MCM6: variants seen among roughly 807,000 people sequenced by gnomAD.
The protein encoded by MCM6 is DNA replication licensing factor MCM6.
A neutral mutation model predicts 94.3 loss-of-function variants in MCM6; 46 were observed. That is an observed-to-expected ratio of 0.49 (90% CI 0.39 to 0.62). The LOEUF (loss-of-function observed/expected upper bound fraction) is 0.62, where lower values mean the gene tolerates loss of function less well. Among genes scored for constraint, MCM6 ranks in the 20% least tolerant of loss-of-function variants. The probability of loss-of-function intolerance (pLI) is 0.00; values close to 1 mark genes in which losing one functional copy is unlikely to be tolerated. For synonymous variants in MCM6, 335 were observed against 351.9 expected (o/e 0.95, Z 0.54); for missense variants, 865 against 1,017.9 (o/e 0.85, Z 2.04).
intron 3 of MCM6, among the ~76,000 whole-genome samples, chr2:135,869,391 A>C (rs1159805273): frequency 1.4e-5 from 2 of 142,480 alleles, no homozygotes; most frequent in Non-Finnish European, 1.5e-5. Context: ...ACAGAGCAAG[A>C]CTCTGTCTCA....
intron 1 of MCM6, among the ~76,000 whole-genome samples, chr2:135,874,866 A>T (rs1412318132): frequency 6.6e-6 from 1 of 152,244 alleles, no homozygotes; most frequent in Non-Finnish European, 1.5e-5. Context: ...AAATTCTGAC[A>T]CATGCTACCT....
At chr2:135,840,979 G>T in intron 16 of MCM6, 28 bp from the exon 17 acceptor site, 1 of 1,506,736 alleles carries the variant, frequency 6.6e-7, no homozygotes, top group Non-Finnish European at 9.2e-7. Flanking sequence ...TTGTCCTCAG[G>T]TTTCAAGCAG....
At chr2:135,865,816 C>T (rs1680084462) in intron 6 of MCM6, among the ~76,000 whole-genome samples, 1 of 152,170 alleles carries the variant, frequency 6.6e-6, no homozygotes, top group Admixed American at 6.5e-5. Context: ...ATTGATGAGA[C>T]AGCCCAGATG....
At chr2:135,850,559 T>C (rs979011883) in intron 13 of MCM6, among the ~76,000 whole-genome samples, 3 of 152,144 alleles carry the variant, frequency 2.0e-5, no homozygotes, top group Non-Finnish European at 2.9e-5. Context: ...TGAAAGTACT[T>C]CGTCAATAGT....
At chr2:135,844,467 T>G in intron 16 of MCM6, 78 bp downstream of exon 16, 1 of 1,303,994 alleles carries the variant, frequency 7.7e-7, no homozygotes, top group African/African-American at 1.5e-5. Context: ...CAAAAAAAAT[T>G]TCACTAGTGA....
At chr2:135,866,021 G>A in intron 6 of MCM6, 111 bp downstream of exon 6, 1 of 1,211,122 alleles carries the variant, frequency 8.3e-7, no homozygotes, top group Non-Finnish European at 1.1e-6. Context: ...AGGATCACTT[G>A]AGCCCAGAAA....
intron 14 of MCM6, 26 bp from the exon 15 acceptor site, chr2:135,846,418 T>C: frequency 6.2e-7 from 1 of 1,610,996 alleles, no homozygotes; most frequent in Non-Finnish European, 8.5e-7. Flanking sequence ...ACCACCTGAA[T>C]CTTATTTTTG....
intron 6 of MCM6, 100 bp downstream of exon 6, chr2:135,866,032 G>C: frequency 7.6e-7 from 1 of 1,319,644 alleles, no homozygotes; most frequent in East Asian, 2.4e-5. Flanking sequence ...AGCCCAGAAA[G>C]TGGAGGCTAC....
chr2:135,850,902 G>C (rs1679769337), intron 13 of MCM6, among the ~76,000 whole-genome samples: 1 of 152,154 alleles, frequency 6.6e-6, no homozygotes, highest in African/African-American at 2.4e-5. Context: ...AAAACGCAGG[G>C]CTGCTTTGGT....
intron 8 of MCM6, among the ~76,000 whole-genome samples, chr2:135,860,485 T>C (rs772177907): frequency 1.3e-5 from 2 of 152,158 alleles, no homozygotes; most frequent in Non-Finnish European, 2.9e-5. Flanking sequence ...GCAACAATCA[T>C]CTATCAGAAG....
Position 135,866,579 on chromosome 2 carries a change from G to C in MCM6, c.765C>G (p.Ser255=), listed in dbSNP as rs1470547163. Residue 255 remains serine, a synonymous_variant, in exon 5 of 17, where the codon TCC becomes TCG. Coordinates refer to ENST00000264156, the MANE Select transcript of MCM6 (RefSeq NM_005915.6). ...ATTACTGACCTGGTGTGCTAAGCTT[G>C]GAGACGTCAGGCACAACAATCAGTG... ...TGTLIVVPDV[S]KLSTPGARAE... is the part of the protein sequence containing the mutation. The C allele has an allele frequency of 6.2e-7, 1 of 1,612,590 alleles. No individual in the cohort carries two copies. Among genetic ancestry groups the C allele is most frequent in the Non-Finnish European group, 8.5e-7 (1 of 1,179,502 alleles).
intron 13 of MCM6, among the ~76,000 whole-genome samples, chr2:135,848,602 G>C (rs1160500995): frequency 6.6e-6 from 1 of 152,086 alleles, no homozygotes; most frequent in African/African-American, 2.4e-5. Context: ...ATAAGAACTA[G>C]GCCAGGCACG....
At chr2:135,874,775 C>CA (rs1172423350) in intron 1 of MCM6, among the ~76,000 whole-genome samples, 3 of 152,076 alleles carry the variant, frequency 2.0e-5, no homozygotes, top group African/African-American at 7.2e-5. Context: ...TCCAAGATCC[C>CA]AAACTCTTCT....
chr2:135,871,072 G>A (rs764150894), intron 2 of MCM6, among the ~76,000 whole-genome samples: 3 of 152,154 alleles, frequency 2.0e-5, no homozygotes, highest in Non-Finnish European at 2.9e-5. Context: ...AGAAATGGAT[G>A]AGGACAGGAG....
chr2:135,866,546 A>C lies in MCM6; in HGVS notation c.781+17T>G. 1 of 1,596,224 alleles carries C rather than the reference A, an allele frequency of 6.3e-7. No individual in the cohort carries two copies. The highest frequency in any genetic ancestry group is 1.1e-5 in the South Asian group (1 of 87,664). On this transcript the variant is annotated intron_variant, in intron 5 of 16. Coordinates refer to ENST00000264156, the MANE Select transcript of MCM6 (RefSeq NM_005915.6). ...GGTAACTGAGAATTTGTTAAATTTGAGCCACAGATTACTGACCTGGTGTGC... is the reference window on the plus strand; with the variant it reads ...GGTAACTGAGAATTTGTTAAATTTGCGCCACAGATTACTGACCTGGTGTGC...
chr2:135,851,203 C>T (rs752450252), intron 13 of MCM6, among the ~76,000 whole-genome samples, 199 bp downstream of exon 13: 1 of 152,184 alleles, frequency 6.6e-6, no homozygotes, highest in South Asian at 2.1e-4. Context: ...TAAACTATGA[C>T]GTGATCGTCT....
At chr2:135,859,672 A>G (rs1022847161) in intron 8 of MCM6, among the ~76,000 whole-genome samples, 6 of 151,388 alleles carry the variant, frequency 4.0e-5, no homozygotes, top group African/African-American at 1.5e-4. Flanking sequence ...TCACAATCTC[A>G]GCTCACTGCA....
intron 4 of MCM6, among the ~76,000 whole-genome samples, chr2:135,867,375 C>A (rs978116279): frequency 6.6e-6 from 1 of 151,944 alleles, no homozygotes; most frequent in East Asian, 1.9e-4. Flanking sequence ...GTGTTCCCCC[C>A]CCCAAACTAA....
chr2:135,859,712 C>T (rs111320425), intron 8 of MCM6, among the ~76,000 whole-genome samples: 97 of 152,170 alleles, frequency 6.4e-4, no homozygotes, highest in African/African-American at 2.2e-3. Flanking sequence ...AGGCGATTCT[C>T]GTGCCTCAGC....
Sources: allele counts gnomAD v4.1 joint callset (sites outside exome capture counted in the v4.1 genomes callset), GRCh38; gene constraint gnomAD v4.1.1; transcripts MANE v1.5; gene names NCBI Gene and HGNC (gene_info 2026-07-23, HGNC 2026-07-21).